BCKDHB: variants seen among roughly 807,000 people sequenced by gnomAD.
The protein encoded by BCKDHB is 2-oxoisovalerate dehydrogenase subunit beta, mitochondrial.
In BCKDHB, 41 loss-of-function variants were observed where a neutral mutation model predicts 48.5. The ratio of observed to expected loss-of-function variants is 0.85; its 90% CI spans 0.66 to 1.10. The LOEUF (loss-of-function observed/expected upper bound fraction) is 1.10. Ranked by LOEUF, BCKDHB falls within the 50% of genes least tolerant of loss-of-function variation. The probability of loss-of-function intolerance (pLI) is 0.00; values close to 1 mark genes in which losing one functional copy is unlikely to be tolerated. For missense variants in BCKDHB, 496 were observed against 494.2 expected (o/e 1.00, Z -0.03); for synonymous variants, 201 against 174.8 (o/e 1.15, Z -1.18).
the BCKDHB span, among the ~76,000 whole-genome samples, chr6:80,463,722 C>A: frequency 1.3e-5 from 2 of 152,088 alleles, no homozygotes; most frequent in Non-Finnish European, 2.9e-5. Flanking sequence ...CAGCTACCAC[C>A]CATAAGCATC....
chr6:80,189,951 T>G (rs1773816284), intron 6 of BCKDHB, among the ~76,000 whole-genome samples: 1 of 152,184 alleles, frequency 6.6e-6, no homozygotes, highest in South Asian at 2.1e-4. Context: ...CTACAAATAA[T>G]AGTTTCTGGC....
chr6:80,416,269 TC>T, the BCKDHB span, among the ~76,000 whole-genome samples: 1 of 151,396 alleles, frequency 6.6e-6, no homozygotes, highest in African/African-American at 2.4e-5. Flanking sequence ...TCTTTGTATG[TC>T]AATCTTCTTC....
At chr6:80,228,952 G>A (rs970407371) in intron 8 of BCKDHB, among the ~76,000 whole-genome samples, 10 of 152,188 alleles carry the variant, frequency 6.6e-5, no homozygotes, top group Non-Finnish European at 1.0e-4. Flanking sequence ...CCTCAGGTAT[G>A]CCTGAACATG....
chr6:80,285,004 T>G (rs73748777), intron 9 of BCKDHB, among the ~76,000 whole-genome samples: 2,461 of 152,260 alleles, frequency 0.016, 63 homozygotes, highest in African/African-American at 0.056. Context: ...CTGCTAGTCT[T>G]TTTTCTAATA....
the BCKDHB span, among the ~76,000 whole-genome samples, chr6:80,384,921 A>C: frequency 6.6e-6 from 1 of 152,164 alleles, no homozygotes; most frequent in Admixed American, 6.5e-5. Flanking sequence ...ATTAGACTCC[A>C]AATTCTTAGG....
At chr6:80,329,113 A>C (rs1769193723) in intron 9 of BCKDHB, among the ~76,000 whole-genome samples, 1 of 152,202 alleles carries the variant, frequency 6.6e-6, no homozygotes, top group Admixed American at 6.5e-5. Flanking sequence ...TAGAAGAGAA[A>C]AAATACTTGA....
At chr6:80,192,072 G>GT (rs1245714348) in intron 6 of BCKDHB, among the ~76,000 whole-genome samples, 1 of 152,052 alleles carries the variant, frequency 6.6e-6, no homozygotes, top group African/African-American at 2.4e-5. Flanking sequence ...TTTTGCTTAT[G>GT]TTTTGTTTTT....
rs150060024 is a variant in BCKDHB, at chr6:80,162,169, A to T, written c.344-5509A>T. Among the ~76,000 whole-genome samples, 10 of 152,182 alleles carry T rather than the reference A, an allele frequency of 6.6e-5. No individual in the cohort carries two copies. In the East Asian group the frequency reaches 1.9e-3, roughly 29 times the overall value. ...ATGTTCCGGGTCCATTCGGTCTTCC[A>T]TTCTCCCAGATGACTATTTCATACT... On this transcript the variant is annotated intron_variant, in intron 3 of 9. Transcript: ENST00000320393.
intron 8 of BCKDHB, among the ~76,000 whole-genome samples, chr6:80,212,605 GA>G (rs1328561708): frequency 1.4e-4 from 21 of 152,166 alleles, no homozygotes; most frequent in African/African-American, 5.1e-4. Flanking sequence ...GAGTGGTCCT[GA>G]GGTGACATAT....
the BCKDHB span, among the ~76,000 whole-genome samples, chr6:80,392,554 ATTG>A: frequency 5.1e-4 from 77 of 151,594 alleles, no homozygotes; most frequent in African/African-American, 1.9e-3. Flanking sequence ...TATGCTCCTT[ATTG>A]TTCTTAATGT....
At chr6:80,254,261 T>G (rs1366065141) in intron 8 of BCKDHB, among the ~76,000 whole-genome samples, 2 of 152,056 alleles carry the variant, frequency 1.3e-5, no homozygotes, top group African/African-American at 4.8e-5. Context: ...TTAAGGTACA[T>G]ATTCTTCTTT....
At chr6:80,465,537 C>A in the BCKDHB span, among the ~76,000 whole-genome samples, 1 of 152,180 alleles carries the variant, frequency 6.6e-6, no homozygotes. Context: ...TGTCATTTCT[C>A]TTCATGGAGA....
intron 9 of BCKDHB, among the ~76,000 whole-genome samples, chr6:80,292,030 G>A (rs1766947308): frequency 6.6e-6 from 1 of 152,128 alleles, no homozygotes; most frequent in African/African-American, 2.4e-5. Flanking sequence ...CCTAGGAGTT[G>A]GGTAAATTCC....
chr6:80,455,781 T>A, the BCKDHB span, among the ~76,000 whole-genome samples: 1 of 152,050 alleles, frequency 6.6e-6, no homozygotes, highest in African/African-American at 2.4e-5. Flanking sequence ...TTATCACATT[T>A]CCAACCACAT....
At chr6:80,368,007 G>T in the BCKDHB span, among the ~76,000 whole-genome samples, 1 of 152,218 alleles carries the variant, frequency 6.6e-6, no homozygotes, top group African/African-American at 2.4e-5. Flanking sequence ...GTGTGAGATT[G>T]CATAGGCCAC....
chr6:80,274,156 A>G (rs1343231933), intron 9 of BCKDHB, among the ~76,000 whole-genome samples: 3 of 152,034 alleles, frequency 2.0e-5, no homozygotes, highest in Non-Finnish European at 2.9e-5. Flanking sequence ...TTAGTAAACA[A>G]TGATTTTTAC....
At chr6:80,311,983 T>A (rs559639706) in intron 9 of BCKDHB, among the ~76,000 whole-genome samples, 2 of 152,352 alleles carry the variant, frequency 1.3e-5, no homozygotes, top group South Asian at 4.1e-4. Context: ...AGTAAGTTAA[T>A]GGGAATAGCA....
At chr6:80,121,716 CTT>C (rs1483656458) in intron 1 of BCKDHB, among the ~76,000 whole-genome samples, 2 of 152,198 alleles carry the variant, frequency 1.3e-5, no homozygotes, top group East Asian at 1.9e-4. Flanking sequence ...TATCTTGAAA[CTT>C]TGCAGAATTT....
At chr6:80,307,618 A>G (rs536771767) in intron 9 of BCKDHB, 1 of 981,654 alleles carries the variant, frequency 1.0e-6, no homozygotes, top group South Asian at 4.7e-5. Flanking sequence ...AAAAGTGACA[A>G]ACATAAAGTA....
Sources: allele counts gnomAD v4.1 joint callset (sites outside exome capture counted in the v4.1 genomes callset), GRCh38; gene constraint gnomAD v4.1.1; transcripts MANE v1.5; gene names NCBI Gene and HGNC (gene_info 2026-07-23, HGNC 2026-07-21).